The following C21orf58 variants were observed in gnomAD, a reference collection of about 807,000 sequenced individuals.
The protein encoded by C21orf58 is chromosome 21 open reading frame 58, also known as uncharacterized protein C21orf58.
C21orf58 carries 34 observed loss-of-function variants against 35.8 expected under a neutral mutation model. That is an observed-to-expected ratio of 0.95 (90% CI 0.72 to 1.26). C21orf58 has a LOEUF of 1.26. Ranked by LOEUF, C21orf58 falls within the 50% of genes most tolerant of loss-of-function variation. The pLI is 0.00. For synonymous variants in C21orf58, 191 were observed against 175.8 expected (o/e 1.09, Z -0.68); for missense variants, 440 against 414.3 (o/e 1.06, Z -0.54).
At chr21:46,308,267 C>T (rs750324669) in intron 6 of C21orf58, among the ~76,000 whole-genome samples, 47 of 152,224 alleles carry the variant, frequency 3.1e-4, no homozygotes, top group Non-Finnish European at 6.2e-4. Flanking sequence ...TCGAGACCAG[C>T]CTGGCCAACA....
rs2083246629 is a variant in C21orf58, at chr21:46,323,516, C to T, written c.-778G>A. On this transcript the variant is annotated 5_prime_UTR_variant, in exon 1 of 8. Transcript: ENST00000291691. The stretch of plus-strand genomic sequence containing the variant: ...CCAGGCGGTTCGCGGGCTTTCTGAC[C>T]GCATTCGGCCGAGTTCTTCTCTGAA... 6.6e-6 allele frequency: 1 copy of T among 152,572 alleles called. No individual in the cohort carries two copies. The highest frequency in any genetic ancestry group is 1.5e-5 in the Non-Finnish European group (1 of 68,206). 9.5% of individuals were successfully genotyped at this position (152,572 alleles called of 1,614,324 possible).
At chr21:46,309,757 G>A (rs1376865953) in intron 6 of C21orf58, among the ~76,000 whole-genome samples, 1 of 152,166 alleles carries the variant, frequency 6.6e-6, no homozygotes, top group Non-Finnish European at 1.5e-5. Context: ...AGCACTTTGG[G>A]AGGCTGAGGT....
intron 5 of C21orf58, among the ~76,000 whole-genome samples, chr21:46,311,970 C>A (rs181695664): frequency 4.8e-5 from 4 of 82,844 alleles, no homozygotes; most frequent in South Asian, 4.7e-4. Flanking sequence ...CACCCACCCA[C>A]CCACCCATCC....
Position 46,302,490 on chromosome 21 carries a change from G to A in C21orf58, c.808C>T (p.Leu270=). The A allele has an allele frequency of 6.2e-7, 1 of 1,608,058 alleles. No homozygotes were observed. The highest frequency in any genetic ancestry group is 8.5e-7 in the Non-Finnish European group (1 of 1,176,622). The part of the protein sequence containing the change: ...NWMLKALPPA[L]QDPPHVPPRV... ...CTGCTGGGGGCTAAGCCTACCTGCA[G>A]GGCTGGGGGCAGGGCCTTGAGCATC... Residue 270 remains leucine, a synonymous_variant, in exon 7 of 8, where the codon CTG becomes TTG. Transcript: ENST00000291691.
In C21orf58 at chr21:46,302,006, G is replaced by A. The variant is rs766522458; in HGVS notation, c.962C>T (p.Pro321Leu). ...GGTCTCTGTGACTCACACTCAGGGT[G>A]GGCCAGGCGTCCACAGGCTGGGGGC... ...QPAPSLWTPG[P>L]P The change falls in exon 8 of 8, where the codon CCA becomes CTA. Residue 321 changes from proline (P) to leucine (L), a missense_variant. By Grantham distance (98) the Pro-to-Leu change is moderately conservative (BLOSUM62 -3). Coordinates refer to ENST00000291691, the MANE Select transcript of C21orf58 (RefSeq NM_058180.5). The A allele has an allele frequency of 4.6e-5, 70 of 1,531,558 alleles. No individual in the cohort carries two copies. In the South Asian group the frequency reaches 7.9e-4, roughly 17 times the overall value. 94.9% of individuals were successfully genotyped at this position (1,531,558 alleles called of 1,614,324 possible).
chr21:46,301,550 G>C lies in C21orf58; in HGVS notation c.*449C>G. ...ATCAGGATGTTCACACTTCCATGTG[G>C]CTAAAGCTATTGATCTTTTCTGTTC... On this transcript the variant is annotated 3_prime_UTR_variant, in exon 8 of 8. Coordinates refer to ENST00000291691, the MANE Select transcript of C21orf58 (RefSeq NM_058180.5). 1 of 989,038 alleles carries C rather than the reference G, an allele frequency of 1.0e-6. No individual in the cohort carries two copies. Among genetic ancestry groups the C allele is most frequent in the African/African-American group, 1.7e-5 (1 of 57,502 alleles). 61.3% of individuals were successfully genotyped at this position (989,038 alleles called of 1,614,324 possible).
chr21:46,312,836 C>T (rs2146049208), intron 5 of C21orf58, among the ~76,000 whole-genome samples: 1 of 152,352 alleles, frequency 6.6e-6, no homozygotes, highest in South Asian at 2.1e-4. Flanking sequence ...CCAGTGACCT[C>T]TCTATCCCAG....
Position 46,320,200 on chromosome 21 carries a change from T to C in C21orf58, c.101-1980A>G, listed in dbSNP as rs546011104. ...TCACTGCAACCTCCGCCTCCCGGGT[T>C]CAAGTGATTCTCCTGCCTCAGCCTC... On this transcript the variant is annotated intron_variant, in intron 1 of 7. Transcript: ENST00000291691. 7.2e-5 allele frequency among the ~76,000 whole-genome samples: 11 copies of C among 151,914 alleles called. No individual in the cohort carries two copies. The East Asian group carries it at 2.2e-3, about 30-fold the overall frequency.
At position 46,317,200 on chromosome 21, in the gene C21orf58, G is replaced by A. The variant is rs2083004484; in HGVS notation, c.370+8C>T. 6.2e-7 allele frequency: 1 copy of A among 1,609,246 alleles called. No homozygotes were observed. Among genetic ancestry groups the A allele is most frequent in the Non-Finnish European group, 8.5e-7 (1 of 1,179,000 alleles). On this transcript the variant is annotated splice_region_variant and intron_variant, in intron 3 of 7. Coordinates refer to ENST00000291691, the MANE Select transcript of C21orf58 (RefSeq NM_058180.5). Reference sequence around the variant, plus strand: ...TGTGCTGGTTCCAAGCAGCCCAGGGGCTCTCACCTGGCTCGAGGTGGAGGC... The same window carrying A: ...TGTGCTGGTTCCAAGCAGCCCAGGGACTCTCACCTGGCTCGAGGTGGAGGC...
At chr21:46,315,790 G>A (rs1012804284) in intron 3 of C21orf58, among the ~76,000 whole-genome samples, 2 of 152,126 alleles carry the variant, frequency 1.3e-5, no homozygotes, top group African/African-American at 2.4e-5. Context: ...GCTGGAGGAT[G>A]GTCATCTCAT....
intron 6 of C21orf58, among the ~76,000 whole-genome samples, chr21:46,307,759 G>A (rs992566098): frequency 1.3e-5 from 2 of 152,134 alleles, no homozygotes; most frequent in African/African-American, 4.8e-5. Flanking sequence ...TTTGAGGACA[G>A]CTGTCAGGTG....
chr21:46,311,384 G>T, intron 6 of C21orf58, 72 bp downstream of exon 6: 1 of 881,988 alleles, frequency 1.1e-6, no homozygotes, highest in Non-Finnish European at 1.7e-6. Flanking sequence ...TGACTGTCCT[G>T]CTTCCAGGAA....
rs2083218179 is a variant in C21orf58 at position 46,322,745 on chromosome 21, A to G, written c.-7T>C. ...GGAGCCGAGATCGCGCCATTGCGCT[A>G]TAGCCTGGGCGTCGCAGCGAGACTG... On this transcript the variant is annotated 5_prime_UTR_variant, in exon 1 of 8. Transcript: ENST00000291691. 2 of 1,489,498 alleles carry G rather than the reference A, an allele frequency of 1.3e-6. No homozygotes were observed. Among genetic ancestry groups the G allele is most frequent in the Non-Finnish European group, 1.8e-6 (2 of 1,112,886 alleles). The allele number at this position is 1,489,498 out of a possible 1,614,324, so 92.3% of individuals were successfully genotyped here.
Position 46,317,954 on chromosome 21 carries a change from C to T in C21orf58, c.309+58G>A. The T allele has an allele frequency of 7.6e-6, 12 of 1,587,258 alleles. No individual in the cohort carries two copies. In the South Asian group the frequency reaches 1.1e-4, roughly 15 times the overall value. ...CCTGCAGGGCTGTCTCGAAGAGTCC[C>T]TCCAACGCCACAGCCTGCGAGTTGT... is the stretch of plus-strand genomic sequence containing the variant. On this transcript the variant is annotated intron_variant, in intron 2 of 7. Coordinates refer to ENST00000291691, the MANE Select transcript of C21orf58 (RefSeq NM_058180.5).
intron 6 of C21orf58, among the ~76,000 whole-genome samples, chr21:46,304,464 C>T (rs2082324890): frequency 6.7e-6 from 1 of 149,226 alleles, no homozygotes; most frequent in South Asian, 2.1e-4. Flanking sequence ...CCAGCCTGGG[C>T]AATGGAGTGA....
chr21:46,317,314 G>C lies in C21orf58; in HGVS notation c.310-46C>G. On this transcript the variant is annotated intron_variant, in intron 2 of 7. Coordinates refer to ENST00000291691, the MANE Select transcript of C21orf58 (RefSeq NM_058180.5). ...GACAGAGACGGTGGCTCCACGCAAA[G>C]GCCCTGTGTGCTCCAGGAATGACTA... is the stretch of plus-strand genomic sequence containing the variant. The C allele has an allele frequency of 5.6e-6, 9 of 1,596,354 alleles. No individual in the cohort carries two copies. In the South Asian group the frequency reaches 1.0e-4, roughly 18 times the overall value.
Position 46,318,170 on chromosome 21 carries a change from C to T in C21orf58, c.151G>A (p.Ala51Thr). The change falls in exon 2 of 8, where the codon GCT becomes ACT. Residue 51 changes from alanine (A) to threonine (T), a missense_variant. By Grantham distance (58) the Ala-to-Thr change is moderately conservative. Transcript: ENST00000291691. ...ARPAGNTGAW[A>T]PAEQFFPASN... ...GCAGGAAAGAACTGCTCAGCAGGAGCCCAAGCACCGGTGTTGCCTGCAGGG... is the reference window on the plus strand; with the variant it reads ...GCAGGAAAGAACTGCTCAGCAGGAGTCCAAGCACCGGTGTTGCCTGCAGGG... 6.2e-7 allele frequency: 1 copy of T among 1,613,030 alleles called. No homozygotes were observed. Among genetic ancestry groups the T allele is most frequent in the Non-Finnish European group, 8.5e-7 (1 of 1,180,010 alleles).
chr21:46,310,294 T>C (rs149488778), intron 6 of C21orf58, among the ~76,000 whole-genome samples: 91 of 151,744 alleles, frequency 6.0e-4, no homozygotes, highest in African/African-American at 2.1e-3. Flanking sequence ...CTGGCCAACA[T>C]AGTGAAACCC....
Position 46,318,180 on chromosome 21 carries a change from G to C in C21orf58, c.141C>G (p.Thr47=). 6.2e-7 allele frequency: 1 copy of C among 1,612,910 alleles called. No individual in the cohort carries two copies. Among genetic ancestry groups the C allele is most frequent in the South Asian group, 1.1e-5 (1 of 91,084 alleles). The change falls in exon 2 of 8, where the codon ACC becomes ACG. Residue 47 remains threonine (T), a synonymous_variant. Transcript: ENST00000291691. ...ACTGCTCAGCAGGAGCCCAAGCACC[G>C]GTGTTGCCTGCAGGGCGGGCCTTAC... The part of the protein sequence containing the change: ...PGGKARPAGN[T]GAWAPAEQFF...
Sources: gnomAD v4.1 joint callset for allele counts (sites outside exome capture counted in the v4.1 genomes callset) on GRCh38, gnomAD v4.1.1 for gene constraint, MANE v1.5 for transcripts, NCBI Gene and HGNC (gene_info 2026-07-23, HGNC 2026-07-21) for gene names.